The following SMCHD1 variants were observed in gnomAD, a reference collection of about 807,000 sequenced individuals.
The protein encoded by SMCHD1 is structural maintenance of chromosomes flexible hinge domain-containing protein 1.
A neutral mutation model predicts 254.7 loss-of-function variants in SMCHD1; 78 were observed. The ratio of observed to expected loss-of-function variants is 0.31; its 90% CI spans 0.26 to 0.37. The LOEUF is 0.37. Among genes scored for constraint, SMCHD1 ranks in the 10% least tolerant of loss-of-function variants. The pLI is 1.00. For synonymous variants in SMCHD1, 766 were observed against 794.9 expected, an observed-to-expected ratio of 0.96 and a Z score of 0.61; for missense variants, 1,840 against 2,408.1, an observed-to-expected ratio of 0.76 and a Z score of 4.94.
chr18:2,797,072 GTGAT>G (rs2076277256), intron 47 of SMCHD1, among the ~76,000 whole-genome samples: 1 of 152,292 alleles, frequency 6.6e-6, no homozygotes, highest in African/African-American at 2.4e-5. Context: ...TATGTTAAAA[GTGAT>G]TGTTAAGAGT....
intron 3 of SMCHD1, 182 bp from the exon 4 acceptor site, chr18:2,673,099 T>G (rs1163573450): frequency 1.0e-6 from 1 of 985,296 alleles, no homozygotes; most frequent in African/African-American, 1.7e-5. Context: ...GATGACTGCT[T>G]TTTTGATGCT....
At chr18:2,724,158 T>G (rs1341220398) in intron 20 of SMCHD1, among the ~76,000 whole-genome samples, 2 of 149,478 alleles carry the variant, frequency 1.3e-5, no homozygotes, top group Non-Finnish European at 3.0e-5. Context: ...TTGCATCTTT[T>G]TTCAAATGAG....
chr18:2,740,063 C>T (rs549491887), intron 27 of SMCHD1, among the ~76,000 whole-genome samples: 1 of 151,522 alleles, frequency 6.6e-6, no homozygotes, highest in South Asian at 2.1e-4. Context: ...AGGTATTTCT[C>T]TTAAATGCTG....
At position 2,758,531 on chromosome 18, in the gene SMCHD1, A is replaced by G. The variant is rs545919646; in HGVS notation, c.4347-2121A>G. On this transcript the variant is annotated intron_variant, in intron 34 of 47. Coordinates refer to ENST00000320876, the MANE Select transcript of SMCHD1 (RefSeq NM_015295.3). ...ATTTACTCATTTATCCTTTCTGTTA[A>G]TCTTTAACTCAAGGCTTTCATCTGG... 5.9e-5 allele frequency among the ~76,000 whole-genome samples: 9 copies of G among 152,266 alleles called. 1 individual carries two copies. The South Asian group carries it at 1.7e-3, about 28-fold the overall frequency.
chr18:2,685,046 A>C (rs1395184273), intron 5 of SMCHD1, among the ~76,000 whole-genome samples: 1 of 149,506 alleles, frequency 6.7e-6, no homozygotes, highest in East Asian at 2.0e-4. Flanking sequence ...GCTAAACTAT[A>C]CACGTCTGCC....
intron 15 of SMCHD1, 73 bp downstream of exon 15, chr18:2,706,543 A>G (rs1414219740): frequency 1.9e-6 from 2 of 1,045,380 alleles, no homozygotes; most frequent in Non-Finnish European, 2.9e-6. Flanking sequence ...TATTCTGAGT[A>G]TGTCATTTAC....
intron 26 of SMCHD1, among the ~76,000 whole-genome samples, chr18:2,739,117 C>T (rs1363498848): frequency 2.0e-5 from 3 of 152,096 alleles, no homozygotes; most frequent in Non-Finnish European, 4.4e-5. Context: ...GCATTCTGAC[C>T]GTAATGAGAT....
At chr18:2,697,536 G>T (rs1384561469) in intron 9 of SMCHD1, among the ~76,000 whole-genome samples, 1 of 152,154 alleles carries the variant, frequency 6.6e-6, no homozygotes, top group Admixed American at 6.5e-5. Context: ...ATACGATGTT[G>T]TCCCACTTCC....
In SMCHD1 at chr18:2,705,717, C is replaced by G. The variant is rs1305309239; in HGVS notation, c.1866C>G (p.Pro622=). Residue 622 remains proline (P), a synonymous_variant, in exon 14 of 48, where the codon CCC becomes CCG. Coordinates refer to ENST00000320876, the MANE Select transcript of SMCHD1 (RefSeq NM_015295.3). Reference sequence around the variant, plus strand: ...AGGTCAAGACAATCAAGACACTTCCCCTCTTTTATGGAAGCATAGTAAGAT... The same window carrying G: ...AGGTCAAGACAATCAAGACACTTCCGCTCTTTTATGGAAGCATAGTAAGAT... ...GQLVKTIKTL[P]LFYGSIVRFF... 1.3e-6 allele frequency: 2 copies of G among 1,598,132 alleles called. No individual in the cohort carries two copies. Among genetic ancestry groups the G allele is most frequent in the Non-Finnish European group, 1.7e-6 (2 of 1,168,344 alleles).
intron 4 of SMCHD1, 137 bp downstream of exon 4, chr18:2,673,500 A>AT: frequency 1.4e-6 from 1 of 714,424 alleles, no homozygotes; most frequent in Non-Finnish European, 2.1e-6. Context: ...CATTGTTAAA[A>AT]TTTTTTCACG....
chr18:2,677,522 C>T (rs1446640609), intron 5 of SMCHD1, among the ~76,000 whole-genome samples: 1 of 152,122 alleles, frequency 6.6e-6, no homozygotes, highest in Non-Finnish European at 1.5e-5. Context: ...ATTGTGCAAC[C>T]ATCACCACTA....
At chr18:2,677,382 CATATT>C (rs1301757594) in intron 5 of SMCHD1, among the ~76,000 whole-genome samples, 1 of 152,152 alleles carries the variant, frequency 6.6e-6, no homozygotes, top group Non-Finnish European at 1.5e-5. Flanking sequence ...GTAAAATTCA[CATATT>C]ATACAGTTAA....
chr18:2,696,941 A>G, intron 8 of SMCHD1, 91 bp from the exon 9 acceptor site: 1 of 604,410 alleles, frequency 1.7e-6, no homozygotes, highest in Non-Finnish European at 2.8e-6. Context: ...CTTGATACCT[A>G]GTAAATAGTG....
At chr18:2,767,755 T>A (rs2075895788) in intron 37 of SMCHD1, among the ~76,000 whole-genome samples, 2 of 151,278 alleles carry the variant, frequency 1.3e-5, no homozygotes, top group African/African-American at 4.9e-5. Flanking sequence ...CACACCCAGC[T>A]GATTTTTGTT....
intron 5 of SMCHD1, among the ~76,000 whole-genome samples, chr18:2,683,502 G>T (rs2073975550): frequency 6.6e-6 from 1 of 152,138 alleles, no homozygotes; most frequent in African/African-American, 2.4e-5. Flanking sequence ...AGTGATTTCA[G>T]CTGTTTTACA....
intron 27 of SMCHD1, among the ~76,000 whole-genome samples, 176 bp from the exon 28 acceptor site, chr18:2,740,527 C>A (rs766630825): frequency 6.6e-6 from 1 of 151,702 alleles, no homozygotes; most frequent in Non-Finnish European, 1.5e-5. Flanking sequence ...TATGTAAATT[C>A]TTGATGTTTA....
intron 37 of SMCHD1, among the ~76,000 whole-genome samples, chr18:2,769,113 C>A (rs959457254): frequency 1.3e-5 from 2 of 152,214 alleles, no homozygotes; most frequent in East Asian, 3.9e-4. Flanking sequence ...ATATTTGTGT[C>A]ATTTACTAGT....
intron 26 of SMCHD1, among the ~76,000 whole-genome samples, chr18:2,738,880 TAGTG>T (rs1160030497): frequency 1.3e-5 from 2 of 152,156 alleles, no homozygotes; most frequent in Non-Finnish European, 2.9e-5. Context: ...TTTCATTGCT[TAGTG>T]AGAATTTTTA....
intron 23 of SMCHD1, chr18:2,728,825 C>T (rs1298774419): frequency 2.4e-6 from 1 of 410,790 alleles, no homozygotes; most frequent in Non-Finnish European, 4.3e-6. Flanking sequence ...AGTTTACTCA[C>T]CTCTCCTCTC....
Sources: allele counts gnomAD v4.1 joint callset (sites outside exome capture counted in the v4.1 genomes callset), GRCh38; gene constraint gnomAD v4.1.1; transcripts MANE v1.5; gene names NCBI Gene and HGNC (gene_info 2026-07-23, HGNC 2026-07-21).